The following CLDN11 variants were observed in gnomAD, a reference collection of about 807,000 sequenced individuals.
The protein encoded by CLDN11 is claudin 11.
Under a neutral mutation model 18.0 loss-of-function variants are expected in CLDN11, and 1 was observed. The ratio of observed to expected loss-of-function variants is 0.06; its 90% CI spans 0.02 to 0.26. The LOEUF is 0.26. CLDN11 is among the 10% of genes least tolerant of loss of function. The pLI, the probability that CLDN11 is intolerant of heterozygous loss-of-function variation, is 1.00. For synonymous variants in CLDN11, 116 were observed against 121.5 expected (o/e 0.96, Z 0.30); for missense variants, 172 against 276.6 (o/e 0.62, Z 2.68).
chr3:170,418,916 C>T lies in CLDN11; in HGVS notation c.-151C>T. 1 of 611,492 alleles carries T rather than the reference C, an allele frequency of 1.6e-6. No homozygotes were observed. The highest frequency in any genetic ancestry group is 4.4e-4 in the Middle Eastern group (1 of 2,256). 37.9% of individuals were successfully genotyped at this position (611,492 alleles called of 1,614,324 possible). A position where few individuals can be genotyped will look rare whatever the true frequency, so the allele number is the denominator to read the frequency against. On this transcript the variant is annotated 5_prime_UTR_variant, in exon 1 of 3. Transcript: ENST00000064724. The surrounding 1 kb of genome is among the most constrained non-coding windows in gnomAD (Gnocchi z 4.3). ...CCCTTCGCCGCTGAGCTCGCAGCCT[C>T]CGGCGCCCACCTCCACCTCCAGTGT...
intron 2 of CLDN11, among the ~76,000 whole-genome samples, chr3:170,425,239 C>G (rs1738824170): frequency 6.6e-6 from 1 of 152,156 alleles, no homozygotes; most frequent in Non-Finnish European, 1.5e-5. Context: ...TTACTTTCCT[C>G]ACATTCTCAC....
chr3:170,425,365 C>T (rs1457885388), intron 2 of CLDN11, among the ~76,000 whole-genome samples: 1 of 152,042 alleles, frequency 6.6e-6, no homozygotes, highest in Admixed American at 6.6e-5. Flanking sequence ...TCACAGGTAT[C>T]CACAAGTGAG....
intron 2 of CLDN11, among the ~76,000 whole-genome samples, chr3:170,428,548 G>A (rs552908124): frequency 3.3e-5 from 5 of 152,206 alleles, no homozygotes; most frequent in Non-Finnish European, 7.3e-5. Context: ...GCTTATGAGA[G>A]GACCAGGTTT....
chr3:170,423,432 C>G, intron 2 of CLDN11, 105 bp downstream of exon 2: 3 of 1,287,424 alleles, frequency 2.3e-6, no homozygotes, highest in Non-Finnish European at 1.1e-6. Flanking sequence ...GAAAGGAAGC[C>G]AAGTGAAGCC....
At chr3:170,430,752 G>A (rs1204695457) in intron 2 of CLDN11, among the ~76,000 whole-genome samples, 2 of 149,578 alleles carry the variant, frequency 1.3e-5, no homozygotes, top group Non-Finnish European at 1.5e-5. Context: ...TGCCATGTTG[G>A]CCAGGCTGAT....
At position 170,432,640 on chromosome 3, in the gene CLDN11, G is replaced by A. The variant is rs753528742; in HGVS notation, c.508G>A (p.Val170Met). 15 of 1,614,006 alleles carry A rather than the reference G, an allele frequency of 9.3e-6. No homozygotes were observed. The highest frequency in any genetic ancestry group is 2.2e-5 in the East Asian group (1 of 44,884). The change falls in exon 3 of 3, where the codon GTG becomes ATG. Residue 170 changes from valine to methionine, a missense_variant. This residue lies in a region of CLDN11 where 161 missense variants were observed against 240.3 expected (regional missense o/e 0.67). Coordinates refer to ENST00000064724, the MANE Select transcript of CLDN11 (RefSeq NM_005602.6). The stretch of plus-strand genomic sequence containing the variant: ...CTGGATTGGTGCTGTGCTGTGCCTC[G>A]TGGGTGGCTGTGTCATCCTCTGCTG... Reference protein sequence around the residue: ...AGWIGAVLCLVGGCVILCCAG... With the variant: ...AGWIGAVLCLMGGCVILCCAG...
intron 2 of CLDN11, among the ~76,000 whole-genome samples, chr3:170,424,715 T>G (rs971975256): frequency 1.3e-5 from 2 of 152,160 alleles, no homozygotes; most frequent in Admixed American, 1.3e-4. Context: ...ACCCCCAGAT[T>G]GGCATATCAG....
At chr3:170,426,113 A>T (rs1738845339) in intron 2 of CLDN11, among the ~76,000 whole-genome samples, 1 of 152,170 alleles carries the variant, frequency 6.6e-6, no homozygotes, top group Admixed American at 6.5e-5. Context: ...ACCAAAGAAG[A>T]TGAGGCACCT....
chr3:170,426,356 T>C (rs1277067527), intron 2 of CLDN11, among the ~76,000 whole-genome samples: 1 of 152,242 alleles, frequency 6.6e-6, no homozygotes, highest in Non-Finnish European at 1.5e-5. Flanking sequence ...GCCAGTTGCT[T>C]CTAAAGCCAG....
At chr3:170,426,414 G>A (rs1489459420) in intron 2 of CLDN11, among the ~76,000 whole-genome samples, 2 of 152,176 alleles carry the variant, frequency 1.3e-5, no homozygotes, top group East Asian at 3.8e-4. Context: ...GTGGATTTGA[G>A]GCTAATCTGT....
chr3:170,430,666 C>T (rs1738978769), intron 2 of CLDN11, among the ~76,000 whole-genome samples: 2 of 151,864 alleles, frequency 1.3e-5, no homozygotes, highest in African/African-American at 4.8e-5. Context: ...GCCTCAGCCT[C>T]CTGAGTAGCT....
intron 1 of CLDN11, among the ~76,000 whole-genome samples, chr3:170,422,185 G>T (rs1468752266): frequency 6.6e-6 from 1 of 152,162 alleles, no homozygotes; most frequent in African/African-American, 2.4e-5. Flanking sequence ...GTCTGGGTTA[G>T]GGCCACAGCC....
At chr3:170,427,715 A>G (rs930280651) in intron 2 of CLDN11, among the ~76,000 whole-genome samples, 3 of 151,856 alleles carry the variant, frequency 2.0e-5, no homozygotes, top group Admixed American at 6.6e-5. Context: ...AGGCTGAGGC[A>G]CGAGGATTGC....
At position 170,434,145 on chromosome 3, in the gene CLDN11, TA is replaced by T. The variant is rs1045722067; in HGVS notation, c.*1396del. On this transcript the variant is annotated 3_prime_UTR_variant, in exon 3 of 3. Transcript: ENST00000064724. ...GTATCCAGAGGTATCATTATTGATT[TA>T]AAAAAATCTCATTAATCTCTACTGG... 6.6e-6 allele frequency: 1 copy of T among 152,478 alleles called. No individual in the cohort carries two copies. Among genetic ancestry groups the T allele is most frequent in the East Asian group, 1.9e-4 (1 of 5,204 alleles). The allele number at this position is 152,478 out of a possible 1,614,324, so 9.4% of individuals were successfully genotyped here. A position where few individuals can be genotyped will look rare whatever the true frequency, so the allele number is the denominator to read the frequency against.
chr3:170,433,009 T>G lies in CLDN11; in HGVS notation c.*253T>G. Reference sequence around the variant, plus strand: ...CTTGGTGTTGCCCCTATTAGCTCTTTTCTTGGGCATTCTTTTGCTGTTTAT... The same window carrying G: ...CTTGGTGTTGCCCCTATTAGCTCTTGTCTTGGGCATTCTTTTGCTGTTTAT... On this transcript the variant is annotated 3_prime_UTR_variant, in exon 3 of 3. Transcript: ENST00000064724. 2.6e-6 allele frequency: 1 copy of G among 389,378 alleles called. No individual in the cohort carries two copies. 24.1% of individuals were successfully genotyped at this position (389,378 alleles called of 1,614,324 possible). A position where few individuals can be genotyped will look rare whatever the true frequency, so the allele number is the denominator to read the frequency against.
intron 2 of CLDN11, among the ~76,000 whole-genome samples, chr3:170,430,430 A>T (rs1232810433): frequency 6.6e-6 from 1 of 152,174 alleles, no homozygotes; most frequent in African/African-American, 2.4e-5. Context: ...AGGAAAATAC[A>T]TCTTCTCATG....
chr3:170,426,334 G>A (rs1023757762), intron 2 of CLDN11, among the ~76,000 whole-genome samples: 3 of 152,224 alleles, frequency 2.0e-5, no homozygotes, highest in Non-Finnish European at 1.5e-5. Context: ...TGCTGTGGAG[G>A]AAGAAATAGG....
chr3:170,423,389 T>C (rs2108244440), intron 2 of CLDN11, 62 bp downstream of exon 2: 1 of 1,569,676 alleles, frequency 6.4e-7, no homozygotes. Context: ...TCAGATCTTG[T>C]GGTTGCTGCC....
chr3:170,428,030 A>G (rs1173883170), intron 2 of CLDN11, among the ~76,000 whole-genome samples: 1 of 149,712 alleles, frequency 6.7e-6, no homozygotes, highest in Admixed American at 6.7e-5. Flanking sequence ...GGTGGTGTGC[A>G]CCTGTGATTC....
Sources: gnomAD v4.1 joint callset for allele counts (sites outside exome capture counted in the v4.1 genomes callset) on GRCh38, gnomAD v4.1.1 for gene constraint, gnomAD v4.1.1 regional missense constraint, Gnocchi (gnomAD v3.1) non-coding constraint, MANE v1.5 for transcripts, NCBI Gene and HGNC (gene_info 2026-07-23, HGNC 2026-07-21) for gene names.